The following ERC2 variants were observed in gnomAD, a reference collection of about 807,000 sequenced individuals.
ERC2 encodes the protein ELKS/RAB6-interacting/CAST family member 2.
In ERC2, 42 loss-of-function variants were observed where a neutral mutation model predicts 114.8. That is an observed-to-expected ratio of 0.37 (90% confidence interval 0.29 to 0.47). The LOEUF (loss-of-function observed/expected upper bound fraction) is 0.47. Among genes scored for constraint, ERC2 ranks in the 20% least tolerant of loss-of-function variants. ERC2 has a pLI of 0.99. For synonymous variants in ERC2, 454 were observed against 425.5 expected (o/e 1.07, Z -0.82); for missense variants, 939 against 1,150.7 (o/e 0.82, Z 2.66).
rs1302588153 is a variant in ERC2 at position 55,997,880 on chromosome 3, G to GGT, written c.2062-5631_2062-5630insAC. On this transcript the variant is annotated intron_variant, in intron 10 of 17. Coordinates refer to ENST00000288221, the MANE Select transcript of ERC2 (RefSeq NM_015576.3). ...TTGAAATGTTATACATCTTAATTCT[G>GGT]TTTTTTTTTTTTTTTTTTTTTTTTT... Among the ~76,000 whole-genome samples the GGT allele has an allele frequency of 9.4e-4, 42 of 44,792 alleles. 1 individual carries two copies. The highest frequency in any genetic ancestry group is 1.8e-3 in the South Asian group (2 of 1,120). The allele number at this position is 44,792 out of a possible 152,430, so 29.4% of individuals were successfully genotyped here. A position where few individuals can be genotyped will look rare whatever the true frequency, so the allele number is the denominator to read the frequency against.
At chr3:55,765,504 A>ACGT (rs1319146611) in intron 14 of ERC2, among the ~76,000 whole-genome samples, 1 of 152,200 alleles carries the variant, frequency 6.6e-6, no homozygotes, top group Non-Finnish European at 1.5e-5. Context: ...CCACCCAATG[A>ACGT]CGTAGCATGT....
chr3:55,865,947 T>C (rs2062291644), intron 14 of ERC2, among the ~76,000 whole-genome samples: 2 of 152,202 alleles, frequency 1.3e-5, no homozygotes, highest in Non-Finnish European at 2.9e-5. Context: ...GACAACATGT[T>C]TTCATTTCTT....
At chr3:55,814,114 G>A (rs1187458397) in intron 14 of ERC2, among the ~76,000 whole-genome samples, 1 of 152,118 alleles carries the variant, frequency 6.6e-6, no homozygotes, top group Non-Finnish European at 1.5e-5. Context: ...AGATGAAACA[G>A]AATGAAAAAC....
intron 4 of ERC2, among the ~76,000 whole-genome samples, chr3:56,169,449 T>C (rs959137465): frequency 6.6e-6 from 1 of 152,228 alleles, no homozygotes; most frequent in Non-Finnish European, 1.5e-5. Flanking sequence ...GTTGTGTTTT[T>C]ACATTTTTTA....
At chr3:55,967,252 T>C (rs938705975) in intron 12 of ERC2, among the ~76,000 whole-genome samples, 1 of 152,250 alleles carries the variant, frequency 6.6e-6, no homozygotes, top group Non-Finnish European at 1.5e-5. Flanking sequence ...TAAAGTCATA[T>C]TGTATAGATG....
intron 4 of ERC2, among the ~76,000 whole-genome samples, chr3:56,171,366 T>A (rs563491821): frequency 6.6e-6 from 1 of 152,314 alleles, no homozygotes; most frequent in East Asian, 1.9e-4. Context: ...TAGATGTTAA[T>A]GGGACCCAGA....
intron 3 of ERC2, among the ~76,000 whole-genome samples, chr3:56,247,767 G>T (rs959568587): frequency 6.6e-6 from 1 of 152,196 alleles, no homozygotes; most frequent in Non-Finnish European, 1.5e-5. Context: ...CAGACTGCAA[G>T]CTCCTGGACC....
rs111992154 is a variant in ERC2, at chr3:55,791,136, A to G, written c.2565-56218T>C. Among the ~76,000 whole-genome samples, 432 of 152,364 alleles carry G rather than the reference A, an allele frequency of 2.8e-3. 2 individuals carry two copies. The highest frequency in any genetic ancestry group is 9.9e-3 in the African/African-American group (411 of 41,588). On this transcript the variant is annotated intron_variant, in intron 14 of 17. Coordinates refer to ENST00000288221, the MANE Select transcript of ERC2 (RefSeq NM_015576.3). ...TCTTTGTGACTAAATATGGGGAAAG[A>G]GATTTTGTTCTAGATAACACAAGCA... is the stretch of plus-strand genomic sequence containing the variant.
chr3:55,881,140 A>G (rs1232253249), intron 14 of ERC2, among the ~76,000 whole-genome samples: 1 of 152,226 alleles, frequency 6.6e-6, no homozygotes, highest in African/African-American at 2.4e-5. Context: ...CATGAAGTAA[A>G]AAATAAATTG....
At chr3:55,939,249 C>T (rs1018691612) in intron 13 of ERC2, among the ~76,000 whole-genome samples, 7 of 152,172 alleles carry the variant, frequency 4.6e-5, no homozygotes, top group African/African-American at 1.2e-4. Flanking sequence ...AAAGTATCAC[C>T]GCAGAATTTG....
intron 14 of ERC2, among the ~76,000 whole-genome samples, chr3:55,784,605 A>G (rs6802432): frequency 0.052 from 7,968 of 152,290 alleles, 270 homozygotes; most frequent in African/African-American, 0.095. Context: ...TGAACAGTTT[A>G]GAGATCTTTC....
intron 17 of ERC2, among the ~76,000 whole-genome samples, chr3:55,652,854 T>A (rs1018264919): frequency 2.0e-4 from 19 of 95,372 alleles, no homozygotes; most frequent in African/African-American, 7.7e-4. Flanking sequence ...TGCAAGACTC[T>A]GTCTCAAAAA....
chr3:56,212,234 A>G (rs935518315), intron 3 of ERC2, among the ~76,000 whole-genome samples: 3 of 152,216 alleles, frequency 2.0e-5, no homozygotes, highest in African/African-American at 7.2e-5. Flanking sequence ...TTAAGAATCT[A>G]CAAGGAACTC....
At chr3:55,744,857 A>T (rs939150058) in intron 14 of ERC2, among the ~76,000 whole-genome samples, 1 of 152,234 alleles carries the variant, frequency 6.6e-6, no homozygotes, top group Non-Finnish European at 1.5e-5. Flanking sequence ...CTCTACCGGT[A>T]ACCGGATCAT....
At chr3:55,798,899 T>G (rs1394970899) in intron 14 of ERC2, among the ~76,000 whole-genome samples, 3 of 147,566 alleles carry the variant, frequency 2.0e-5, no homozygotes, top group South Asian at 4.3e-4. Context: ...AAGAACATTA[T>G]TTTTAAAAAA....
At chr3:56,181,994 T>C (rs985496432) in intron 3 of ERC2, among the ~76,000 whole-genome samples, 2 of 152,196 alleles carry the variant, frequency 1.3e-5, no homozygotes, top group African/African-American at 4.8e-5. Context: ...GGGCCAGAAC[T>C]ACCCAGCTAA....
chr3:56,333,463 G>C (rs2057719331), intron 2 of ERC2, among the ~76,000 whole-genome samples: 1 of 152,080 alleles, frequency 6.6e-6, no homozygotes, highest in South Asian at 2.1e-4. Flanking sequence ...TATATTTCTT[G>C]GTCAGGGAAA....
chr3:56,410,061 G>C (rs1044609307), intron 2 of ERC2, among the ~76,000 whole-genome samples: 1 of 152,188 alleles, frequency 6.6e-6, no homozygotes, highest in African/African-American at 2.4e-5. Context: ...CATTACCCCA[G>C]TTGGCCTGGG....
Position 55,927,420 on chromosome 3 carries a change from T to C in ERC2, c.2403+23005A>G, listed in dbSNP as rs185087016. Among the ~76,000 whole-genome samples the C allele has an allele frequency of 6.6e-5, 10 of 152,284 alleles. No individual in the cohort carries two copies. The East Asian group carries it at 1.9e-3, about 29-fold the overall frequency. On this transcript the variant is annotated intron_variant, in intron 13 of 17. Transcript: ENST00000288221. ...ACCATCCTTTTGTTTTTTTGCTTTT[T>C]ATGGCAGGGGGTGTTTGTACTTTTT...
Sources: allele counts gnomAD v4.1 joint callset (sites outside exome capture counted in the v4.1 genomes callset), GRCh38; gene constraint gnomAD v4.1.1; transcripts MANE v1.5; gene names NCBI Gene and HGNC (gene_info 2026-07-23, HGNC 2026-07-21).